The following ZC3HAV1 variants were observed in gnomAD, a reference collection of about 807,000 sequenced individuals.
ZC3HAV1 encodes zinc finger CCCH-type antiviral protein 1.
A neutral mutation model predicts 86.6 loss-of-function variants in ZC3HAV1; 41 were observed. The ratio of observed to expected loss-of-function variants is 0.47; its 90% CI spans 0.37 to 0.61. The LOEUF is 0.61. Among genes scored for constraint, ZC3HAV1 ranks in the 20% least tolerant of loss-of-function variants. ZC3HAV1 has a pLI of 0.00. For missense variants in ZC3HAV1, 964 were observed against 1,141.1 expected (o/e 0.84, Z 2.24); for synonymous variants, 421 against 432.1 (o/e 0.97, Z 0.32).
intron 9 of ZC3HAV1, among the ~76,000 whole-genome samples, chr7:139,056,296 A>G (rs34070890): frequency 0.62 from 94,367 of 151,494 alleles, 29,530 homozygotes; most frequent in East Asian, 0.69. Flanking sequence ...GATTATAAGC[A>G]TCAGCCAGCA....
At chr7:139,073,578 C>T (rs1385442176) in intron 7 of ZC3HAV1, among the ~76,000 whole-genome samples, 1 of 152,136 alleles carries the variant, frequency 6.6e-6, no homozygotes, top group Non-Finnish European at 1.5e-5. Context: ...ACAACCTCCA[C>T]CTCCCGGGTT....
At chr7:139,053,927 G>T in intron 11 of ZC3HAV1, 38 bp downstream of exon 11, 1 of 1,585,220 alleles carries the variant, frequency 6.3e-7, no homozygotes, top group South Asian at 1.2e-5. Flanking sequence ...AATCCTTTCC[G>T]GTTTTATGTA....
At chr7:139,103,143 CA>C (rs1817824876) in intron 1 of ZC3HAV1, among the ~76,000 whole-genome samples, 2 of 150,998 alleles carry the variant, frequency 1.3e-5, no homozygotes, top group South Asian at 2.1e-4. Flanking sequence ...TGGGATCAAA[CA>C]ATCCTTCTGC....
intron 2 of ZC3HAV1, 146 bp from the exon 3 acceptor site, chr7:139,084,178 T>G: frequency 8.8e-7 from 1 of 1,133,846 alleles, no homozygotes; most frequent in South Asian, 1.6e-5. Context: ...TTCTGCAGTC[T>G]TTGATGAGTC....
At chr7:139,086,951 G>A (rs184634538) in intron 2 of ZC3HAV1, among the ~76,000 whole-genome samples, 25 of 152,260 alleles carry the variant, frequency 1.6e-4, no homozygotes, top group African/African-American at 5.8e-4. Context: ...CCCAGTCTCA[G>A]GTATGTCTTC....
At chr7:139,080,950 C>A (rs1397048188) in intron 3 of ZC3HAV1, among the ~76,000 whole-genome samples, 2 of 152,176 alleles carry the variant, frequency 1.3e-5, no homozygotes, top group African/African-American at 4.8e-5. Flanking sequence ...TTTGTTTAAG[C>A]TGGAAATTTT....
At chr7:139,087,977 A>G (rs1817318326) in intron 2 of ZC3HAV1, among the ~76,000 whole-genome samples, 1 of 142,394 alleles carries the variant, frequency 7.0e-6, no homozygotes. Context: ...GGCTGCAGTG[A>G]GCCCTGATCA....
In ZC3HAV1 at chr7:139,109,315, A is replaced by G. The variant is rs1584881277; in HGVS notation, c.17T>C (p.Val6Ala). The G allele has an allele frequency of 1.3e-6, 2 of 1,596,582 alleles. No homozygotes were observed. Among genetic ancestry groups the G allele is most frequent in the Non-Finnish European group, 1.7e-6 (2 of 1,170,958 alleles). ...CAGGATTTTGGTGATGAAGCAGCAC[A>G]CCTCCGGGTCCGCCATGGCGCGCTG... is the stretch of plus-strand genomic sequence containing the variant. MADPE[V>A]CCFITKILCA... Residue 6 changes from valine to alanine, a missense_variant, in exon 1 of 13, where the codon GTG becomes GCG. Transcript: ENST00000242351.
At chr7:139,079,172 T>C in intron 4 of ZC3HAV1, 2 of 1,536,258 alleles carry the variant, frequency 1.3e-6, no homozygotes, top group African/African-American at 1.4e-5. Context: ...GGTGCAGTTC[T>C]GCCCTTGGGC....
At chr7:139,075,264 G>T (rs769064523) in intron 6 of ZC3HAV1, among the ~76,000 whole-genome samples, 5 of 152,068 alleles carry the variant, frequency 3.3e-5, no homozygotes, top group Admixed American at 6.6e-5. Flanking sequence ...CAGCAACACA[G>T]AATCTCCACC....
intron 7 of ZC3HAV1, among the ~76,000 whole-genome samples, chr7:139,068,304 C>G (rs919051492): frequency 6.6e-6 from 1 of 152,112 alleles, no homozygotes; most frequent in Admixed American, 6.5e-5. Flanking sequence ...AAGTGATCTG[C>G]CCGCCTCAGC....
Position 139,109,366 on chromosome 7 carries a change from G to A in ZC3HAV1, c.-35C>T. ...GCTGTGCTGGCTCTGCCGCGGCGCG[G>A]GACTCGGTTCCGCGGAAATCGGAAA... On this transcript the variant is annotated 5_prime_UTR_variant, in exon 1 of 13. Coordinates refer to ENST00000242351, the MANE Select transcript of ZC3HAV1 (RefSeq NM_020119.4). 1 of 1,525,148 alleles carries A rather than the reference G, an allele frequency of 6.6e-7. No individual in the cohort carries two copies. Among genetic ancestry groups the A allele is most frequent in the Admixed American group, 2.0e-5 (1 of 49,168 alleles). 94.5% of individuals were successfully genotyped at this position (1,525,148 alleles called of 1,614,324 possible). A position where few individuals can be genotyped will look rare whatever the true frequency, so the allele number is the denominator to read the frequency against.
Position 139,054,094 on chromosome 7 carries a change from A to C in ZC3HAV1, c.2189T>G (p.Leu730Trp), listed in dbSNP as rs1816214415. 1 of 1,570,624 alleles carries C rather than the reference A, an allele frequency of 6.4e-7. No individual in the cohort carries two copies. Among genetic ancestry groups the C allele is most frequent in the Admixed American group, 2.1e-5 (1 of 46,914 alleles). The change falls in exon 11 of 13, where the codon TTG becomes TGG. Residue 730 changes from leucine to tryptophan, a missense_variant and splice_region_variant. Transcript: ENST00000242351. ...TGGATGTAGGTGATGGATCTCTGACAACTAATAAAGTTTAAAAATAGATAA... is the reference window on the plus strand; with the variant it reads ...TGGATGTAGGTGATGGATCTCTGACCACTAATAAAGTTTAAAAATAGATAA... ...FCFLSSKKYK[L>W]SEIHHLHPEY...
rs761230891 is a variant in ZC3HAV1, at chr7:139,064,989, C to T, written c.1883G>A (p.Arg628Gln). The change falls in exon 8 of 13, where the codon CGG (arginine) becomes CAG (glutamine). Residue 628 changes from arginine to glutamine, a missense_variant. Physicochemically the swap from Arg to Gln is conservative, Grantham distance 43. Transcript: ENST00000242351. ...WIQYGEEKDK[R>Q]KNSNVDSSYL... Reference sequence around the variant, plus strand: ...TGAAGAGTCGACGTTTGAATTTTTCCGTTTGTCTTTCTAATTGGAAAAAAA... The same window carrying T: ...TGAAGAGTCGACGTTTGAATTTTTCTGTTTGTCTTTCTAATTGGAAAAAAA... 30 of 1,613,828 alleles carry T rather than the reference C, an allele frequency of 1.9e-5. No individual in the cohort carries two copies. The East Asian group carries it at 3.1e-4, about 17-fold the overall frequency.
At chr7:139,054,854 C>T (rs903254211) in intron 10 of ZC3HAV1, among the ~76,000 whole-genome samples, 9 of 152,196 alleles carry the variant, frequency 5.9e-5, no homozygotes, top group Non-Finnish European at 1.3e-4. Context: ...GTGGCGCGAT[C>T]TCGGCTCGCT....
intron 1 of ZC3HAV1, among the ~76,000 whole-genome samples, chr7:139,095,219 C>A (rs6974186): frequency 0.012 from 1,782 of 152,228 alleles, 40 homozygotes; most frequent in African/African-American, 0.041. Context: ...TCAAAACCAA[C>A]CCTAACGCGA....
At chr7:139,066,221 G>T (rs75816281) in intron 7 of ZC3HAV1, among the ~76,000 whole-genome samples, 109 of 152,220 alleles carry the variant, frequency 7.2e-4, no homozygotes, top group African/African-American at 2.5e-3. Context: ...AGCAGCCGTG[G>T]TGGAGAGGGG....
intron 1 of ZC3HAV1, among the ~76,000 whole-genome samples, chr7:139,097,410 A>ATTTTTTTTTTTTTTTTTTTT (rs1563140546): frequency 1.4e-5 from 1 of 73,178 alleles, no homozygotes; most frequent in Non-Finnish European, 2.4e-5. Context: ...CCATATATAT[A>ATTTTTTTTTTTTTTTTTTTT]TATATATATA....
chr7:139,050,423 A>C (rs942836255), intron 12 of ZC3HAV1, among the ~76,000 whole-genome samples: 4 of 152,032 alleles, frequency 2.6e-5, no homozygotes, highest in Non-Finnish European at 5.9e-5. Context: ...GCTGGAGTGC[A>C]GTGGCAGGAT....
Sources: gnomAD v4.1 joint callset for allele counts (sites outside exome capture counted in the v4.1 genomes callset) on GRCh38, gnomAD v4.1.1 for gene constraint, MANE v1.5 for transcripts, NCBI Gene and HGNC (gene_info 2026-07-23, HGNC 2026-07-21) for gene names.